The following ZFHX3 variants were observed in gnomAD, a reference collection of about 807,000 sequenced individuals.
ZFHX3 encodes zinc finger homeobox protein 3.
Under a neutral mutation model 279.1 loss-of-function variants are expected in ZFHX3, and 42 were observed. The ratio of observed to expected loss-of-function variants is 0.15; its 90% CI spans 0.12 to 0.19. ZFHX3 has a LOEUF of 0.19. Among genes scored for constraint, ZFHX3 ranks in the 10% least tolerant of loss-of-function variants. The probability of loss-of-function intolerance (pLI) is 1.00; values close to 1 mark genes in which losing one functional copy is unlikely to be tolerated. For synonymous variants in ZFHX3, 2,293 were observed against 1,957.8 expected, an observed-to-expected ratio of 1.17 and a Z score of -4.52; for missense variants, 4,981 against 4,754.0, an observed-to-expected ratio of 1.05 and a Z score of -1.40.
At chr16:72,972,137 C>T (rs1962132994) in intron 1 of ZFHX3, among the ~76,000 whole-genome samples, 1 of 152,124 alleles carries the variant, frequency 6.6e-6, no homozygotes, top group African/African-American at 2.4e-5. Flanking sequence ...AGGTGATCCA[C>T]CCACCTCGGC....
intron 1 of ZFHX3, among the ~76,000 whole-genome samples, chr16:73,738,421 A>T (rs550052948): frequency 4.1e-4 from 62 of 150,958 alleles, no homozygotes; most frequent in African/African-American, 1.5e-3. Context: ...TTTGCCACAG[A>T]CATAGCCAAA....
At chr16:73,179,105 C>T (rs1967731981) in intron 5 of ZFHX3, among the ~76,000 whole-genome samples, 1 of 152,192 alleles carries the variant, frequency 6.6e-6, no homozygotes, top group African/African-American at 2.4e-5. Flanking sequence ...GATACCTGGA[C>T]TTCTAATATA....
At chr16:73,331,573 T>C (rs1487868721) in intron 3 of ZFHX3, among the ~76,000 whole-genome samples, 1 of 152,176 alleles carries the variant, frequency 6.6e-6, no homozygotes, top group Non-Finnish European at 1.5e-5. Flanking sequence ...CTTTCCTAAG[T>C]GTCATGATTT....
intron 1 of ZFHX3, among the ~76,000 whole-genome samples, chr16:73,000,606 A>G (rs11643592): frequency 0.73 from 111,039 of 152,018 alleles, 41,923 homozygotes; most frequent in Middle Eastern, 0.87. Flanking sequence ...GTGGGCTCCC[A>G]AAGAGCTCCT....
chr16:73,804,415 C>T (rs1567415905), intron 1 of ZFHX3, among the ~76,000 whole-genome samples: 1 of 152,182 alleles, frequency 6.6e-6, no homozygotes, highest in Non-Finnish European at 1.5e-5. Context: ...CAAAATGGCA[C>T]CTCTCACATA....
At chr16:73,736,175 C>T (rs1357412565) in intron 1 of ZFHX3, among the ~76,000 whole-genome samples, 1 of 152,058 alleles carries the variant, frequency 6.6e-6, no homozygotes, top group African/African-American at 2.4e-5. Flanking sequence ...TAGTTTGTGC[C>T]CACAGATTCA....
At chr16:72,833,251 A>T (rs1350255764) in intron 4 of ZFHX3, among the ~76,000 whole-genome samples, 1 of 152,232 alleles carries the variant, frequency 6.6e-6, no homozygotes, top group Admixed American at 6.5e-5. Flanking sequence ...TAGGGCTGTT[A>T]TCTAGCCCTT....
At chr16:73,399,810 G>T (rs1250720400) in intron 3 of ZFHX3, among the ~76,000 whole-genome samples, 1 of 146,262 alleles carries the variant, frequency 6.8e-6, no homozygotes, top group African/African-American at 2.5e-5. Context: ...GAAAGAGTGT[G>T]TGTGTGGTGT....
chr16:73,142,069 C>T lies in ZFHX3; in HGVS notation c.-1024+1683G>A, dbSNP rs549605427. Among the ~76,000 whole-genome samples the T allele has an allele frequency of 2.0e-5, 3 of 152,328 alleles. No individual in the cohort carries two copies. In the East Asian group the frequency reaches 5.8e-4, roughly 29 times the overall value. On this transcript the variant is annotated intron_variant, in intron 6 of 17. Coordinates refer to the ZFHX3 transcript ENST00000641206. ...TCATCACCCTGCCATCTGACAATAT[C>T]ATTCACCTCCAGAGCATTAGCTCAA...
chr16:73,041,577 A>C (rs1028621635), intron 1 of ZFHX3, among the ~76,000 whole-genome samples: 1 of 152,124 alleles, frequency 6.6e-6, no homozygotes, highest in Non-Finnish European at 1.5e-5. Flanking sequence ...TGCCCATCTC[A>C]ATTACGTTAT....
chr16:73,653,496 C>T (rs2052691213), intron 2 of ZFHX3, among the ~76,000 whole-genome samples: 1 of 152,064 alleles, frequency 6.6e-6, no homozygotes, highest in Admixed American at 6.6e-5. Flanking sequence ...ATAACTATGG[C>T]TCAACAAAGG....
intron 2 of ZFHX3, among the ~76,000 whole-genome samples, chr16:73,549,065 G>A (rs2020165419): frequency 2.0e-5 from 3 of 152,118 alleles, no homozygotes; most frequent in Non-Finnish European, 1.5e-5. Context: ...TTGTTCACAA[G>A]GTGATGCTTT....
chr16:73,328,200 C>T (rs1398649191), intron 3 of ZFHX3, among the ~76,000 whole-genome samples: 1 of 152,068 alleles, frequency 6.6e-6, no homozygotes, highest in Non-Finnish European at 1.5e-5. Context: ...TTATAATCAA[C>T]TGATGTTACC....
chr16:72,922,089 C>A, intron 3 of ZFHX3, among the ~76,000 whole-genome samples: 1 of 152,208 alleles, frequency 6.6e-6, no homozygotes, highest in East Asian at 1.9e-4. Context: ...CACTCTGCCA[C>A]TGAGTCACCG....
At chr16:73,529,584 A>G (rs2019757000) in intron 2 of ZFHX3, among the ~76,000 whole-genome samples, 1 of 152,050 alleles carries the variant, frequency 6.6e-6, no homozygotes, top group African/African-American at 2.4e-5. Context: ...TGATGAAACT[A>G]CTCTCTGGCC....
chr16:73,540,972 G>T (rs1382844960), intron 2 of ZFHX3, among the ~76,000 whole-genome samples: 2 of 152,054 alleles, frequency 1.3e-5, no homozygotes, highest in African/African-American at 2.4e-5. Context: ...ATAGATGGTA[G>T]GGGTCATCTC....
At chr16:73,284,238 A>G (rs532549469) in intron 4 of ZFHX3, among the ~76,000 whole-genome samples, 1 of 142,716 alleles carries the variant, frequency 7.0e-6, no homozygotes, top group African/African-American at 2.6e-5. Flanking sequence ...AACTGCTTGA[A>G]CTCGGAGGGC....
rs1459482975 is a variant in ZFHX3, at chr16:72,788,012, C to T, written c.10264G>A (p.Glu3422Lys). Residue 3422 changes from glutamate to lysine, a missense_variant, in exon 10 of 10, where the codon GAA becomes AAA. Glu to Lys is a moderately conservative substitution (Grantham distance 56, BLOSUM62 1). Coordinates refer to ENST00000268489, the MANE Select transcript of ZFHX3 (RefSeq NM_006885.4). ...TCACGGGGGGTGTTTTTCTGTTCTTCTGGTTTGGGGGATTCTTTGGCAGGG... is the reference window on the plus strand; with the variant it reads ...TCACGGGGGGTGTTTTTCTGTTCTTTTGGTTTGGGGGATTCTTTGGCAGGG... ...KDPAKESPKP[E>K]EQKNTPREVS... 6.2e-7 allele frequency: 1 copy of T among 1,613,044 alleles called. No individual in the cohort carries two copies. Among genetic ancestry groups the T allele is most frequent in the African/African-American group, 1.3e-5 (1 of 74,726 alleles).
chr16:73,659,038 G>A lies in ZFHX3; in HGVS notation c.-1547+21142C>T, dbSNP rs2052752017. Among the ~76,000 whole-genome samples, 2 of 152,180 alleles carry A rather than the reference G, an allele frequency of 1.3e-5. 1 individual carries two copies. The highest frequency in any genetic ancestry group is 4.2e-4 in the South Asian group (2 of 4,816). ...AGTTGATAGGAATTAAGGAGAAAGA[G>A]ATGGAGAGAGATGGCAAAAAAGGAA... On this transcript the variant is annotated intron_variant, in intron 2 of 17. Coordinates refer to the ZFHX3 transcript ENST00000641206.
Sources: gnomAD v4.1 joint callset for allele counts (sites outside exome capture counted in the v4.1 genomes callset) on GRCh38, gnomAD v4.1.1 for gene constraint, MANE v1.5 for transcripts, NCBI Gene and HGNC (gene_info 2026-07-23, HGNC 2026-07-21) for gene names.